Variants in PACRG observed in about 807,000 individuals in gnomAD.
PACRG encodes parkin coregulated gene protein.
In PACRG, 29 loss-of-function variants were observed where a neutral mutation model predicts 29.7. The ratio of observed to expected loss-of-function variants is 0.98; its 90% CI spans 0.73 to 1.33. The LOEUF is 1.33. Ranked by LOEUF, PACRG falls within the 40% of genes most tolerant of loss-of-function variation. PACRG has a pLI of 0.00. For synonymous variants in PACRG, 116 were observed against 118.7 expected (o/e 0.98, Z 0.15); for missense variants, 279 against 316.2 (o/e 0.88, Z 0.89).
At chr6:162,988,220 T>C (rs1427959861) in intron 2 of PACRG, among the ~76,000 whole-genome samples, 1 of 152,202 alleles carries the variant, frequency 6.6e-6, no homozygotes, top group East Asian at 1.9e-4. Context: ...CATCTTCCTC[T>C]CTGAGTCCAG....
At chr6:162,952,098 C>G (rs1411841169) in intron 2 of PACRG, among the ~76,000 whole-genome samples, 2 of 152,182 alleles carry the variant, frequency 1.3e-5, no homozygotes, top group African/African-American at 4.8e-5. Flanking sequence ...GATCCTTTAT[C>G]TCTACCTCTC....
chr6:163,096,059 G>A (rs1231039810), intron 4 of PACRG, among the ~76,000 whole-genome samples: 2 of 152,176 alleles, frequency 1.3e-5, no homozygotes, highest in Non-Finnish European at 2.9e-5. Flanking sequence ...CAACAAAAAT[G>A]TCATGCCTTT....
intron 2 of PACRG, among the ~76,000 whole-genome samples, chr6:162,836,473 T>C (rs1347053059): frequency 6.6e-6 from 1 of 152,100 alleles, no homozygotes; most frequent in African/African-American, 2.4e-5. Context: ...CTCTTCTGCC[T>C]TCCATGATCG....
At chr6:162,891,557 C>T (rs1228567951) in intron 2 of PACRG, among the ~76,000 whole-genome samples, 1 of 152,172 alleles carries the variant, frequency 6.6e-6, no homozygotes, top group Non-Finnish European at 1.5e-5. Flanking sequence ...ACCTGATTCT[C>T]CACCCAGTGG....
chr6:163,133,673 G>A (rs536788260), intron 4 of PACRG, among the ~76,000 whole-genome samples: 1 of 152,182 alleles, frequency 6.6e-6, no homozygotes, highest in African/African-American at 2.4e-5. Flanking sequence ...CGAAGCTGTC[G>A]AGCCCGGTGC....
intron 4 of PACRG, among the ~76,000 whole-genome samples, chr6:163,256,729 C>T (rs1269957878): frequency 2.0e-5 from 3 of 152,186 alleles, no homozygotes; most frequent in African/African-American, 7.2e-5. Flanking sequence ...CATGTAGAGA[C>T]TTCACTGTGA....
At chr6:162,963,726 A>G (rs993005413) in intron 2 of PACRG, among the ~76,000 whole-genome samples, 3 of 146,206 alleles carry the variant, frequency 2.1e-5, no homozygotes, top group Non-Finnish European at 4.4e-5. Flanking sequence ...ATTATTTTAT[A>G]TGTATAAAAT....
At chr6:162,958,656 C>G (rs1800254871) in intron 2 of PACRG, among the ~76,000 whole-genome samples, 1 of 151,072 alleles carries the variant, frequency 6.6e-6, no homozygotes, top group Non-Finnish European at 1.5e-5. Context: ...AAGCAGCAAT[C>G]AAAACACTTA....
At chr6:163,037,004 G>A (rs1055406176) in intron 2 of PACRG, among the ~76,000 whole-genome samples, 5 of 152,170 alleles carry the variant, frequency 3.3e-5, no homozygotes, top group Non-Finnish European at 5.9e-5. Context: ...CCTAACGAGA[G>A]AGGCGAATTG....
intron 1 of PACRG, among the ~76,000 whole-genome samples, chr6:162,729,894 G>A (rs1292053036): frequency 6.6e-6 from 1 of 151,936 alleles, no homozygotes; most frequent in Non-Finnish European, 1.5e-5. Flanking sequence ...CATTGATTAT[G>A]AAGCAGGCTT....
At chr6:162,804,394 G>A (rs1786140115) in intron 1 of PACRG, among the ~76,000 whole-genome samples, 1 of 152,246 alleles carries the variant, frequency 6.6e-6, no homozygotes, top group South Asian at 2.1e-4. Flanking sequence ...GACATGTCCT[G>A]TAGAGACAAA....
chr6:163,146,762 C>G (rs1777818973), intron 4 of PACRG, among the ~76,000 whole-genome samples: 1 of 152,170 alleles, frequency 6.6e-6, no homozygotes. Context: ...GCCTTACAAA[C>G]TAACATGTTT....
intron 4 of PACRG, among the ~76,000 whole-genome samples, chr6:163,269,979 GAAAGAAA>G (rs1783755061): frequency 1.1e-5 from 1 of 93,696 alleles, no homozygotes; most frequent in Non-Finnish European, 2.2e-5. Flanking sequence ...AAGAAAGAAA[GAAAGAAA>G]GAAAGAAAGA....
intron 1 of PACRG, among the ~76,000 whole-genome samples, chr6:162,790,471 A>G (rs1784841893): frequency 6.6e-6 from 1 of 152,074 alleles, no homozygotes; most frequent in African/African-American, 2.4e-5. Context: ...TAAATACTCT[A>G]ATGGAGTGTT....
chr6:162,825,574 A>G (rs2128383864), intron 2 of PACRG, among the ~76,000 whole-genome samples: 1 of 152,342 alleles, frequency 6.6e-6, no homozygotes, highest in Non-Finnish European at 1.5e-5. Context: ...TCTTAAAAAG[A>G]TCTGCCTACT....
chr6:162,901,599 G>A (rs949018776), intron 2 of PACRG, among the ~76,000 whole-genome samples: 1 of 152,148 alleles, frequency 6.6e-6, no homozygotes, highest in African/African-American at 2.4e-5. Flanking sequence ...AAATGAGATA[G>A]AGATCAACAA....
chr6:162,841,429 A>G (rs1789748947), intron 2 of PACRG, among the ~76,000 whole-genome samples: 1 of 151,930 alleles, frequency 6.6e-6, no homozygotes, highest in African/African-American at 2.4e-5. Context: ...TTTCTGTGGG[A>G]TCGGTGGTGA....
chr6:162,947,615 T>TATATATATATATATATATATAATC (rs1799295280), intron 2 of PACRG, among the ~76,000 whole-genome samples: 1 of 22,528 alleles, frequency 4.4e-5, no homozygotes. Flanking sequence ...TATAATCATA[T>TATATATATATATATATATATAATC]ATATATATAT....
At chr6:162,943,919 A>G (rs1179700259) in intron 2 of PACRG, among the ~76,000 whole-genome samples, 1 of 151,984 alleles carries the variant, frequency 6.6e-6, no homozygotes, top group African/African-American at 2.4e-5. Context: ...TACTACTGCC[A>G]TTGCTCACAC....
Sources: gnomAD v4.1 joint callset for allele counts (sites outside exome capture counted in the v4.1 genomes callset) on GRCh38, gnomAD v4.1.1 for gene constraint, MANE v1.5 for transcripts, NCBI Gene and HGNC (gene_info 2026-07-23, HGNC 2026-07-21) for gene names.